Variants in PCCA observed in about 807,000 individuals in gnomAD.
PCCA encodes propionyl-CoA carboxylase alpha chain, mitochondrial.
PCCA carries 74 observed loss-of-function variants against 101.3 expected under a neutral mutation model. The observed-to-expected ratio is 0.73, with a 90% CI of 0.61 to 0.89. The LOEUF (loss-of-function observed/expected upper bound fraction) is 0.89, where lower values mean the gene tolerates loss of function less well. PCCA is among the 40% of genes least tolerant of loss of function. The pLI, the probability that PCCA is intolerant of heterozygous loss-of-function variation, is 0.00. For missense variants in PCCA, 891 were observed against 907.0 expected, an observed-to-expected ratio of 0.98 and a Z score of 0.23; for synonymous variants, 294 against 313.6, an observed-to-expected ratio of 0.94 and a Z score of 0.66.
intron 22 of PCCA, among the ~76,000 whole-genome samples, chr13:100,525,737 C>A (rs371240313): frequency 1.3e-5 from 2 of 152,298 alleles, no homozygotes; most frequent in South Asian, 4.1e-4. Flanking sequence ...GGCTGTGCCA[C>A]CCATGTGAAG....
chr13:100,483,618 G>A (rs2084133577), intron 21 of PCCA, among the ~76,000 whole-genome samples: 1 of 152,142 alleles, frequency 6.6e-6, no homozygotes, highest in Non-Finnish European at 1.5e-5. Context: ...GTATATCTGG[G>A]GTACTTTATT....
At chr13:100,363,697 C>T (rs978150376) in intron 18 of PCCA, among the ~76,000 whole-genome samples, 9 of 152,100 alleles carry the variant, frequency 5.9e-5, no homozygotes, top group African/African-American at 1.9e-4. Flanking sequence ...TGTTTTAACT[C>T]AGTATTTTAC....
At chr13:100,528,219 T>C (rs1266858449) in intron 23 of PCCA, among the ~76,000 whole-genome samples, 2 of 152,210 alleles carry the variant, frequency 1.3e-5, no homozygotes, top group Non-Finnish European at 2.9e-5. Context: ...CTTAATTATT[T>C]AGGGAGAAAA....
intron 21 of PCCA, among the ~76,000 whole-genome samples, chr13:100,465,859 A>G (rs1288835149): frequency 6.6e-6 from 1 of 152,256 alleles, no homozygotes; most frequent in Middle Eastern, 3.2e-3. Context: ...CCTTATGCGA[A>G]GAAAATAAAC....
chr13:100,302,974 C>A lies in PCCA; in HGVS notation c.1260C>A (p.Tyr420Ter). 6.2e-7 allele frequency: 1 copy of A among 1,603,692 alleles called. No individual in the cohort carries two copies. Among genetic ancestry groups the A allele is most frequent in the Non-Finnish European group, 8.5e-7 (1 of 1,170,608 alleles). ...CATCTATTGGGAGATTGTCTCAGTA[C>A]CAAGAACCGTTACATCTACCTGGTG... ...GLPSIGRLSQ[Y>*]QEPLHLPGVR... Residue 420 changes from tyrosine to a stop codon, truncating the protein, a stop_gained, in exon 14 of 24, where the codon TAC becomes TAA. Transcript: ENST00000376285. LOFTEE classifies it high-confidence loss of function.
chr13:100,224,411 T>A (rs1293820638), intron 7 of PCCA, among the ~76,000 whole-genome samples: 1 of 152,202 alleles, frequency 6.6e-6, no homozygotes, highest in African/African-American at 2.4e-5. Context: ...CTAGCAGCCC[T>A]GGTTCCCGCT....
At chr13:100,267,969 A>G (rs868405017) in intron 10 of PCCA, among the ~76,000 whole-genome samples, 1 of 152,272 alleles carries the variant, frequency 6.6e-6, no homozygotes, top group South Asian at 2.1e-4. Flanking sequence ...TGGGACCAGA[A>G]GTGTTTCAGA....
intron 6 of PCCA, among the ~76,000 whole-genome samples, chr13:100,172,311 T>C (rs1242055794): frequency 6.6e-6 from 1 of 152,184 alleles, no homozygotes; most frequent in Non-Finnish European, 1.5e-5. Flanking sequence ...TCAAACTAAT[T>C]TGACATATAT....
At chr13:100,331,580 T>G (rs1210666336) in intron 17 of PCCA, among the ~76,000 whole-genome samples, 1 of 152,216 alleles carries the variant, frequency 6.6e-6, no homozygotes, top group Non-Finnish European at 1.5e-5. Flanking sequence ...CAGAGATAAC[T>G]GATTTGAATA....
intron 21 of PCCA, among the ~76,000 whole-genome samples, chr13:100,451,715 C>CT (rs1555299745): frequency 1.0e-5 from 1 of 95,986 alleles, no homozygotes; most frequent in Non-Finnish European, 2.1e-5. Flanking sequence ...TCTCCTCTCT[C>CT]CTCTCTCTCT....
At position 100,488,516 on chromosome 13, in the gene PCCA, G is replaced by A. The variant is rs575866144; in HGVS notation, c.1900-26911G>A. Among the ~76,000 whole-genome samples, 3 of 152,228 alleles carry A rather than the reference G, an allele frequency of 2.0e-5. No individual in the cohort carries two copies. The South Asian group carries it at 6.2e-4, about 32-fold the overall frequency. Reference sequence around the variant, plus strand: ...AGGCTGGGCATAGTGGCTCACACCTGTAATCCCAATACCTTGGAGGCTGAG... The same window carrying A: ...AGGCTGGGCATAGTGGCTCACACCTATAATCCCAATACCTTGGAGGCTGAG... On this transcript the variant is annotated intron_variant, in intron 21 of 23. Transcript: ENST00000376285.
At chr13:100,443,682 G>A (rs1465284468) in intron 20 of PCCA, among the ~76,000 whole-genome samples, 2 of 151,298 alleles carry the variant, frequency 1.3e-5, no homozygotes, top group African/African-American at 4.9e-5. Context: ...TCAGGACCAA[G>A]ATTAAAGTTT....
At chr13:100,349,644 T>G (rs2073015545) in intron 18 of PCCA, among the ~76,000 whole-genome samples, 1 of 152,208 alleles carries the variant, frequency 6.6e-6, no homozygotes, top group Admixed American at 6.5e-5. Context: ...AGAAACAACT[T>G]CACTATGGCC....
chr13:100,428,194 G>C (rs1676142058), intron 20 of PCCA, among the ~76,000 whole-genome samples: 1 of 152,030 alleles, frequency 6.6e-6, no homozygotes, highest in South Asian at 2.1e-4. Flanking sequence ...AGCCCCCCAG[G>C]TAGCTGGGAC....
chr13:100,407,608 A>G (rs190329690), intron 19 of PCCA, among the ~76,000 whole-genome samples: 43 of 152,332 alleles, frequency 2.8e-4, no homozygotes, highest in African/African-American at 9.4e-4. Flanking sequence ...AATTTAGTCA[A>G]TATGTTCACA....
intron 21 of PCCA, 99 bp downstream of exon 21, chr13:100,449,404 T>C (rs887859605): frequency 1.5e-6 from 1 of 665,700 alleles, no homozygotes; most frequent in Non-Finnish European, 2.6e-6. Context: ...TACTGCTAGA[T>C]ATTTAAATTA....
intron 18 of PCCA, among the ~76,000 whole-genome samples, chr13:100,367,564 T>C (rs2075273747): frequency 6.6e-6 from 1 of 152,040 alleles, no homozygotes. Flanking sequence ...TAAGTGGGTA[T>C]CTGAGTAATG....
intron 12 of PCCA, among the ~76,000 whole-genome samples, chr13:100,294,793 C>G (rs2152668006): frequency 6.6e-6 from 1 of 152,284 alleles, no homozygotes; most frequent in Non-Finnish European, 1.5e-5. Context: ...AAGCACAAAA[C>G]AGGCAACTGA....
At chr13:100,138,892 A>T (rs1301600609) in intron 4 of PCCA, among the ~76,000 whole-genome samples, 6 of 145,272 alleles carry the variant, frequency 4.1e-5, no homozygotes, top group Non-Finnish European at 7.5e-5. Flanking sequence ...CCAAGATCAC[A>T]CCACTGCACT....
Sources: allele counts gnomAD v4.1 joint callset (sites outside exome capture counted in the v4.1 genomes callset), GRCh38; gene constraint gnomAD v4.1.1; transcripts MANE v1.5; gene names NCBI Gene and HGNC (gene_info 2026-07-23, HGNC 2026-07-21).